Variants in TENM4 observed in about 807,000 individuals in gnomAD.
TENM4 encodes teneurin-4.
TENM4 carries 82 observed loss-of-function variants against 243.3 expected under a neutral mutation model. That is an observed-to-expected ratio of 0.34 (90% CI 0.28 to 0.40). The LOEUF is 0.40. TENM4 is among the 10% of genes least tolerant of loss of function. The probability of loss-of-function intolerance (pLI) is 1.00; values close to 1 mark genes in which losing one functional copy is unlikely to be tolerated. For synonymous variants in TENM4, 1,412 were observed against 1,456.3 expected (o/e 0.97, Z 0.69); for missense variants, 3,138 against 3,673.3 (o/e 0.85, Z 3.77).
At chr11:79,195,479 C>T (rs1183991710) in intron 3 of TENM4, among the ~76,000 whole-genome samples, 2 of 152,152 alleles carry the variant, frequency 1.3e-5, no homozygotes, top group African/African-American at 4.8e-5. Context: ...TGCCCAAGAC[C>T]ATGGGAACCC....
At chr11:78,970,414 C>T (rs965694281) in intron 6 of TENM4, among the ~76,000 whole-genome samples, 2 of 152,152 alleles carry the variant, frequency 1.3e-5, no homozygotes, top group Non-Finnish European at 2.9e-5. Flanking sequence ...TTGTCAGTGA[C>T]AGCCCCGATT....
At chr11:78,724,920 T>C (rs545296315) in intron 23 of TENM4, among the ~76,000 whole-genome samples, 2 of 152,320 alleles carry the variant, frequency 1.3e-5, no homozygotes, top group South Asian at 4.1e-4. Flanking sequence ...GATGAAAGCC[T>C]GAGTGGAGCA....
At chr11:79,081,534 G>GGTGTGTGTGTGTGTGT (rs56237099) in intron 4 of TENM4, among the ~76,000 whole-genome samples, 3,277 of 148,238 alleles carry the variant, frequency 0.022, 71 homozygotes, top group African/African-American at 0.054. Flanking sequence ...TGTCAGAGGT[G>GGTGTGTGTGTGTGTGT]GTGTGTGTGT....
chr11:78,886,078 C>A (rs1591100344), intron 9 of TENM4, among the ~76,000 whole-genome samples: 1 of 152,274 alleles, frequency 6.6e-6, no homozygotes, highest in Admixed American at 6.5e-5. Flanking sequence ...TGATGCAATT[C>A]TTATCTGGAA....
At chr11:78,855,667 A>C (rs1409232838) in intron 11 of TENM4, among the ~76,000 whole-genome samples, 1 of 152,202 alleles carries the variant, frequency 6.6e-6, no homozygotes, top group Admixed American at 6.5e-5. Flanking sequence ...GTCTGATTCT[A>C]AACTGCATGC....
intron 3 of TENM4, among the ~76,000 whole-genome samples, chr11:79,169,839 T>C (rs1221481561): frequency 6.6e-6 from 1 of 152,244 alleles, no homozygotes; most frequent in Non-Finnish European, 1.5e-5. Context: ...GGGTCTTCCC[T>C]GGGGAACTTA....
At chr11:79,347,985 T>C (rs1565309747) in intron 1 of TENM4, among the ~76,000 whole-genome samples, 1 of 151,670 alleles carries the variant, frequency 6.6e-6, no homozygotes, top group Non-Finnish European at 1.5e-5. Flanking sequence ...TTCACCTTGT[T>C]AGCCAGGATG....
intron 2 of TENM4, among the ~76,000 whole-genome samples, chr11:79,224,430 T>C (rs987354980): frequency 6.6e-6 from 1 of 152,140 alleles, no homozygotes; most frequent in African/African-American, 2.4e-5. Context: ...AGGAAGAATG[T>C]AGTATCTAGT....
At chr11:79,024,388 G>A (rs1221903937) in intron 6 of TENM4, among the ~76,000 whole-genome samples, 1 of 152,226 alleles carries the variant, frequency 6.6e-6, no homozygotes, top group Non-Finnish European at 1.5e-5. Flanking sequence ...CTCTAGCAGA[G>A]AGGGGGGGCA....
At chr11:78,796,034 G>A (rs1050978461) in intron 15 of TENM4, among the ~76,000 whole-genome samples, 5 of 152,088 alleles carry the variant, frequency 3.3e-5, no homozygotes, top group Non-Finnish European at 7.3e-5. Context: ...GAAAGTTAAT[G>A]AGCCTTGGAA....
intron 6 of TENM4, among the ~76,000 whole-genome samples, chr11:79,010,781 G>A (rs1565166068): frequency 6.6e-6 from 1 of 152,104 alleles, no homozygotes; most frequent in Non-Finnish European, 1.5e-5. Flanking sequence ...TTTGGGTGGG[G>A]ACACAGCCAA....
intron 30 of TENM4, among the ~76,000 whole-genome samples, chr11:78,674,897 A>G (rs769151072): frequency 3.1e-4 from 47 of 150,476 alleles, no homozygotes; most frequent in South Asian, 6.3e-4. Context: ...ACAGAGTCTT[A>G]CTCTGTCGCC....
In TENM4 at chr11:78,729,410, G is replaced by A; in HGVS notation, c.3372C>T (p.Tyr1124=). The A allele has an allele frequency of 6.3e-7, 1 of 1,585,670 alleles. No homozygotes were observed. Among genetic ancestry groups the A allele is most frequent in the Non-Finnish European group, 8.6e-7 (1 of 1,164,908 alleles). ...CTGAAAGCCCAAACACCTTCTGGTTGTAGACGTCTGTCTTGTCCCAAATGA... is the reference window on the plus strand; with the variant it reads ...CTGAAAGCCCAAACACCTTCTGGTTATAGACGTCTGTCTTGTCCCAAATGA... The part of the protein sequence containing the change: ...YYFIWDKTDV[Y]NQKVFGLSEA... Residue 1124 remains tyrosine, a synonymous_variant, in exon 22 of 34, where the codon TAC becomes TAT. Transcript: ENST00000278550.
intron 4 of TENM4, among the ~76,000 whole-genome samples, chr11:79,102,356 G>C (rs1861254595): frequency 6.6e-6 from 1 of 152,204 alleles, no homozygotes; most frequent in Non-Finnish European, 1.5e-5. Context: ...GATCCCCAGG[G>C]AGCTCCCTCT....
intron 28 of TENM4, among the ~76,000 whole-genome samples, chr11:78,691,349 T>C (rs11237586): frequency 0.29 from 43,669 of 152,090 alleles, 7,772 homozygotes; most frequent in African/African-American, 0.51. Context: ...GCAGGGAATG[T>C]TGGCTGAACA....
chr11:79,359,509 G>A (rs1434727485), intron 1 of TENM4, among the ~76,000 whole-genome samples: 2 of 152,132 alleles, frequency 1.3e-5, no homozygotes, highest in South Asian at 2.1e-4. Context: ...TTGAAGCTGG[G>A]TGGTGAATAC....
At chr11:79,368,960 C>T (rs1857728729) in intron 1 of TENM4, among the ~76,000 whole-genome samples, 1 of 152,128 alleles carries the variant, frequency 6.6e-6, no homozygotes, top group Non-Finnish European at 1.5e-5. Context: ...CTTTTCTTTC[C>T]TGATTCCAGT....
chr11:78,835,760 T>A (rs1003906664), intron 12 of TENM4, among the ~76,000 whole-genome samples: 2 of 152,162 alleles, frequency 1.3e-5, no homozygotes, highest in Non-Finnish European at 2.9e-5. Flanking sequence ...CCTACCCCAA[T>A]TAGGTTAGCA....
At chr11:79,164,498 A>ACATAC (rs1862860477) in intron 3 of TENM4, among the ~76,000 whole-genome samples, 2 of 125,454 alleles carry the variant, frequency 1.6e-5, no homozygotes, top group East Asian at 8.9e-4. Context: ...CATATAGTGT[A>ACATAC]TATATATACA....
Sources: allele counts gnomAD v4.1 joint callset (sites outside exome capture counted in the v4.1 genomes callset), GRCh38; gene constraint gnomAD v4.1.1; transcripts MANE v1.5; gene names NCBI Gene and HGNC (gene_info 2026-07-23, HGNC 2026-07-21).